The following EPB42 variants were observed in gnomAD, a reference collection of about 807,000 sequenced individuals.
EPB42 encodes protein 4.2.
In EPB42, 49 loss-of-function variants were observed where a neutral mutation model predicts 76.9. That is an observed-to-expected ratio of 0.64 (90% confidence interval 0.51 to 0.81). The LOEUF (loss-of-function observed/expected upper bound fraction) is 0.81, where lower values mean the gene tolerates loss of function less well. Ranked by LOEUF, EPB42 falls within the 30% of genes least tolerant of loss-of-function variation. The probability of loss-of-function intolerance (pLI) is 0.00; values close to 1 mark genes in which losing one functional copy is unlikely to be tolerated. For synonymous variants in EPB42, 310 were observed against 338.4 expected (o/e 0.92, Z 0.92); for missense variants, 731 against 867.6 (o/e 0.84, Z 1.98).
chr15:43,211,326 GT>G, intron 4 of EPB42, 89 bp downstream of exon 4: 8 of 864,434 alleles, frequency 9.3e-6, no homozygotes, highest in Non-Finnish European at 1.6e-5. Flanking sequence ...ATGACCAGGG[GT>G]TTTTGGACCT....
At chr15:43,221,253 G>A (rs913725006), upstream of EPB42, 4 of 218,700 alleles carry the variant, frequency 1.8e-5, no homozygotes, top group African/African-American at 2.3e-5. Flanking sequence ...CTCTGGAAGA[G>A]AGGAGGCCAC....
chr15:43,202,110 T>G (rs1175062258), intron 11 of EPB42, 133 bp from the exon 12 acceptor site: 2 of 1,224,568 alleles, frequency 1.6e-6, no homozygotes, highest in Admixed American at 3.9e-5. Context: ...TCACAGCTGA[T>G]GTCTTCTACC....
Position 43,216,270 on chromosome 15 carries a change from G to A in EPB42, c.194C>T (p.Thr65Ile), listed in dbSNP as rs1436057063. The change falls in exon 2 of 13, where the codon ACT becomes ATT. Residue 65 changes from threonine to isoleucine, a missense_variant and splice_region_variant. Transcript: ENST00000441366. ...ALKKVALTAQ[T>I]GEQPSKINRT... The stretch of plus-strand genomic sequence containing the variant: ...GAGTCTAGGCCTGACTCACTAACCA[G>A]TTTGTGCAGTGAGGGCCACCTTCTT... 1 of 1,613,856 alleles carries A rather than the reference G, an allele frequency of 6.2e-7. No homozygotes were observed. Among genetic ancestry groups the A allele is most frequent in the South Asian group, 1.1e-5 (1 of 91,060 alleles).
intron 1 of EPB42, among the ~76,000 whole-genome samples, chr15:43,218,265 T>C (rs998921996): frequency 6.6e-6 from 1 of 152,184 alleles, no homozygotes; most frequent in Admixed American, 6.5e-5. Context: ...TCCTAAGTCA[T>C]ATGACTTGAG....
In EPB42 at chr15:43,215,165, C is replaced by G; in HGVS notation, c.360G>C (p.Leu120=). The change falls in exon 3 of 13, where the codon CTG becomes CTC. Residue 120 remains leucine, a synonymous_variant. Transcript: ENST00000441366. ...ADAVIGHYSL[L]LQVSGRKQLL... ...GTTGCTTCCTGCCTGAGACCTGCAG[C>G]AGAAGCGAGTAGTGGCCAATGACAG... The G allele has an allele frequency of 6.2e-7, 1 of 1,614,240 alleles. No individual in the cohort carries two copies. Among genetic ancestry groups the G allele is most frequent in the Non-Finnish European group, 8.5e-7 (1 of 1,180,048 alleles).
Position 43,208,733 on chromosome 15 carries a change from A to G in EPB42, c.875T>C (p.Phe292Ser). 6.2e-7 allele frequency: 1 copy of G among 1,614,166 alleles called. No individual in the cohort carries two copies. Among genetic ancestry groups the G allele is most frequent in the Non-Finnish European group, 8.5e-7 (1 of 1,180,034 alleles). ...LGIPARVVTT[F>S]ASAQGTGGRL... ...CCCACCGGTGCCCTGTGCTGAGGCA[A>G]ACGTGGTCACCACGCGGGCAGGGAT... Residue 292 changes from phenylalanine to serine, a missense_variant, in exon 7 of 13, where the codon TTT becomes TCT. Coordinates refer to ENST00000441366, the MANE Select transcript of EPB42 (RefSeq NM_001114134.2).
upstream of EPB42, among the ~76,000 whole-genome samples, chr15:43,223,473 T>C: frequency 6.6e-6 from 1 of 152,080 alleles, no homozygotes; most frequent in Middle Eastern, 3.2e-3. Context: ...TGATAGACAA[T>C]TCACAGAAAA....
chr15:43,220,591 C>T, intron 1 of EPB42: 1 of 862,120 alleles, frequency 1.2e-6, no homozygotes, highest in Non-Finnish European at 1.9e-6. Context: ...CAGCACCCAT[C>T]ATCACACCAC....
At chr15:43,211,628 G>GC in intron 3 of EPB42, 94 bp from the exon 4 acceptor site, 3 of 870,174 alleles carry the variant, frequency 3.4e-6, no homozygotes, top group Non-Finnish European at 5.9e-6. Context: ...ATTAGGTTTG[G>GC]CTGCAGGCCA....
Position 43,197,575 on chromosome 15 carries a change from C to T in EPB42, c.1914-111G>A, listed in dbSNP as rs1002470725. On this transcript the variant is annotated intron_variant, in intron 12 of 12. Coordinates refer to ENST00000441366, the MANE Select transcript of EPB42 (RefSeq NM_001114134.2). ...AAGAGGTGGACCATGCAGAAATAAA[C>T]ATCTAAGTACCTTGCTATTAAAATG... The T allele has an allele frequency of 5.8e-6, 7 of 1,211,298 alleles. No individual in the cohort carries two copies. In the African/African-American group the frequency reaches 7.5e-5, roughly 13 times the overall value. The allele number at this position is 1,211,298 out of a possible 1,614,324, so 75.0% of individuals were successfully genotyped here.
At chr15:43,210,209 C>T in intron 5 of EPB42, 126 bp downstream of exon 5, 1 of 850,966 alleles carries the variant, frequency 1.2e-6, no homozygotes, top group South Asian at 1.3e-5. Context: ...GGAACTGTCC[C>T]CACACCCTGG....
intron 4 of EPB42, among the ~76,000 whole-genome samples, chr15:43,211,145 G>A (rs955018031): frequency 9.2e-5 from 14 of 152,152 alleles, no homozygotes; most frequent in African/African-American, 3.1e-4. Context: ...GGCCGTGGAT[G>A]TTAGGCTAGG....
At chr15:43,223,341 G>C (rs1024610781), upstream of EPB42, among the ~76,000 whole-genome samples, 7 of 151,986 alleles carry the variant, frequency 4.6e-5, no homozygotes, top group Non-Finnish European at 8.8e-5. Context: ...AACAAGATAT[G>C]CAACAAGTTG....
chr15:43,223,880 A>C (rs2042484266), upstream of EPB42, among the ~76,000 whole-genome samples: 2 of 152,226 alleles, frequency 1.3e-5, no homozygotes, highest in Admixed American at 1.3e-4. Context: ...AGACTGAGAC[A>C]TGAAAATCGC....
rs1208079453 is a variant in EPB42 at position 43,210,399 on chromosome 15, C to A, written c.590G>T (p.Ser197Ile). 6.2e-7 allele frequency: 1 copy of A among 1,613,948 alleles called. No individual in the cohort carries two copies. The highest frequency in any genetic ancestry group is 2.2e-5 in the East Asian group (1 of 44,884). The change falls in exon 5 of 13, where the codon AGC becomes ATC. Residue 197 changes from serine (S) to isoleucine (I), a missense_variant. Coordinates refer to ENST00000441366, the MANE Select transcript of EPB42 (RefSeq NM_001114134.2). ...CCACTTCTCTACCTGCTTGTCCTTGCTCAGCAAGCGCAGGCTGAGGTCAAT... is the reference window on the plus strand; with the variant it reads ...CCACTTCTCTACCTGCTTGTCCTTGATCAGCAAGCGCAGGCTGAGGTCAAT... ...DVIDLSLRLL[S>I]KDKQVEKWSQ... is the part of the protein sequence containing the mutation.
chr15:43,206,757 C>T lies in EPB42; in HGVS notation c.1319-128G>A. The T allele has an allele frequency of 8.6e-7, 1 of 1,167,798 alleles. No individual in the cohort carries two copies. The allele number at this position is 1,167,798 out of a possible 1,614,324, so 72.3% of individuals were successfully genotyped here. On this transcript the variant is annotated intron_variant, in intron 9 of 12. Transcript: ENST00000441366. The surrounding 1 kb of genome is among the most constrained non-coding windows in gnomAD (Gnocchi z 4.7). ...CCAAAGTCACAAGAACTCAGCAAGC[C>T]TCTAAGGCCATATTTAGCCCAAAAA... is the stretch of plus-strand genomic sequence containing the variant.
chr15:43,222,553 C>G (rs2042472005), upstream of EPB42, among the ~76,000 whole-genome samples: 1 of 152,040 alleles, frequency 6.6e-6, no homozygotes, highest in Admixed American at 6.6e-5. Flanking sequence ...TAATTCATTC[C>G]CAATAAAAAC....
At chr15:43,214,769 G>A (rs567077305) in intron 3 of EPB42, among the ~76,000 whole-genome samples, 1 of 152,128 alleles carries the variant, frequency 6.6e-6, no homozygotes, top group Admixed American at 6.5e-5. Context: ...TATAATGAAG[G>A]GCAGCTTTCC....
chr15:43,223,694 C>A (rs1320698198), upstream of EPB42, among the ~76,000 whole-genome samples: 1 of 152,068 alleles, frequency 6.6e-6, no homozygotes, highest in African/African-American at 2.4e-5. Flanking sequence ...ATTGGTGCAG[C>A]CTCGGCTGGG....
Sources: gnomAD v4.1 joint callset for allele counts (sites outside exome capture counted in the v4.1 genomes callset) on GRCh38, gnomAD v4.1.1 for gene constraint, Gnocchi (gnomAD v3.1) non-coding constraint, MANE v1.5 for transcripts, NCBI Gene and HGNC (gene_info 2026-07-23, HGNC 2026-07-21) for gene names.